The following EFNB2 variants were observed in gnomAD, a reference collection of about 807,000 sequenced individuals.
The protein encoded by EFNB2 is ephrin-B2.
In EFNB2, 5 loss-of-function variants were observed where a neutral mutation model predicts 32.1. The ratio of observed to expected loss-of-function variants is 0.16; its 90% CI spans 0.08 to 0.33. The LOEUF is 0.33. Ranked by LOEUF, EFNB2 falls within the 10% of genes least tolerant of loss-of-function variation. The probability of loss-of-function intolerance (pLI) is 1.00; values close to 1 mark genes in which losing one functional copy is unlikely to be tolerated. For synonymous variants in EFNB2, 168 were observed against 166.5 expected, an observed-to-expected ratio of 1.01 and a Z score of -0.07; for missense variants, 263 against 422.6, an observed-to-expected ratio of 0.62 and a Z score of 3.31.
chr13:106,521,927 T>C lies in EFNB2; in HGVS notation c.123-9115A>G, dbSNP rs937540012. On this transcript the variant is annotated intron_variant, in intron 1 of 4. Coordinates refer to ENST00000646441, the MANE Select transcript of EFNB2 (RefSeq NM_004093.4). ...TCATCTAGAAATCTAACTTTAAGTGTGTGATCCCCAAATATCATTGTTGTC... is the reference window on the plus strand; with the variant it reads ...TCATCTAGAAATCTAACTTTAAGTGCGTGATCCCCAAATATCATTGTTGTC... Among the ~76,000 whole-genome samples, 4 of 152,090 alleles carry C rather than the reference T, an allele frequency of 2.6e-5. 1 individual carries two copies. Among genetic ancestry groups the C allele is most frequent in the Admixed American group, 2.6e-4 (4 of 15,276 alleles).
At chr13:106,512,428 C>G in intron 2 of EFNB2, 101 bp downstream of exon 2, 1 of 477,948 alleles carries the variant, frequency 2.1e-6, no homozygotes, top group East Asian at 7.2e-5. Context: ...AGATTTTCAT[C>G]AAATTATTTG....
At chr13:106,526,926 C>A (rs1879719213) in intron 1 of EFNB2, among the ~76,000 whole-genome samples, 1 of 152,166 alleles carries the variant, frequency 6.6e-6, no homozygotes, top group Admixed American at 6.5e-5. Flanking sequence ...GGTTAGGTGC[C>A]CCGCAGGGAA....
At chr13:106,514,475 ATTTC>A (rs1485520697) in intron 1 of EFNB2, among the ~76,000 whole-genome samples, 1 of 152,176 alleles carries the variant, frequency 6.6e-6, no homozygotes, top group Non-Finnish European at 1.5e-5. Flanking sequence ...GATGAGGCTA[ATTTC>A]TTTATCTCCC....
chr13:106,533,455 G>GA (rs1180262831), intron 1 of EFNB2, among the ~76,000 whole-genome samples: 1 of 152,246 alleles, frequency 6.6e-6, no homozygotes, highest in Non-Finnish European at 1.5e-5. Context: ...AGACTACATG[G>GA]AAGGAGGCAG....
intron 1 of EFNB2, among the ~76,000 whole-genome samples, chr13:106,515,296 C>A (rs1470996028): frequency 1.3e-5 from 2 of 152,134 alleles, no homozygotes; most frequent in Non-Finnish European, 2.9e-5. Context: ...ACACGCCAGG[C>A]CTTCCTTGAT....
intron 1 of EFNB2, among the ~76,000 whole-genome samples, chr13:106,515,161 G>A (rs781016686): frequency 1.3e-5 from 2 of 152,162 alleles, no homozygotes; most frequent in African/African-American, 2.4e-5. Flanking sequence ...GTGCTGATGC[G>A]GTGAGGTCGA....
chr13:106,521,033 T>C (rs1300457389), intron 1 of EFNB2: 1 of 152,202 alleles, frequency 6.6e-6, no homozygotes, highest in Non-Finnish European at 1.5e-5. Flanking sequence ...CATTTTCTGC[T>C]TTAATTTGGA....
In EFNB2 at chr13:106,512,685, C is replaced by T. The variant is rs1369257861; in HGVS notation, c.250G>A (p.Asp84Asn). ...TTAATAGTGCATCTGTCTGCTTGGT[C>T]TTTATCAACCATATAAACTTTATAA... ...EYYKVYMVDK[D>N]QADRCTIKKE... Residue 84 changes from aspartate (D) to asparagine (N), a missense_variant, in exon 2 of 5, where the codon GAC (aspartate) becomes AAC (asparagine). Asp to Asn is a conservative substitution (Grantham distance 23). Around this residue, in one of 3 missense-constraint regions of EFNB2, gnomAD observed 45 missense variants for 128.6 expected, o/e 0.35. Coordinates refer to ENST00000646441, the MANE Select transcript of EFNB2 (RefSeq NM_004093.4). 3.7e-6 allele frequency: 6 copies of T among 1,613,794 alleles called. No individual in the cohort carries two copies. The South Asian group carries it at 6.6e-5, about 18-fold the overall frequency.
In EFNB2 at chr13:106,493,384, T is replaced by A; in HGVS notation, c.658A>T (p.Ile220Phe). Reference protein sequence around the residue: ...GNSAGHSGNNILGSEVALFAG... With the variant: ...GNSAGHSGNNFLGSEVALFAG... ...AATAAGGCCACTTCGGAACCGAGGA[T>A]GTTGTTCCCCGAATGTCCGGCGCTG... is the stretch of plus-strand genomic sequence containing the variant. The change falls in exon 5 of 5, where the codon ATC becomes TTC. Residue 220 changes from isoleucine (I) to phenylalanine (F), a missense_variant. This residue lies in a region of EFNB2 where 172 missense variants were observed against 237.1 expected (regional missense o/e 0.73). Coordinates refer to ENST00000646441, the MANE Select transcript of EFNB2 (RefSeq NM_004093.4). This position sits in a 1 kb window ranked among gnomAD's most constrained non-coding sequence, Gnocchi z 6.1. 1 of 1,614,030 alleles carries A rather than the reference T, an allele frequency of 6.2e-7. No individual in the cohort carries two copies. The highest frequency in any genetic ancestry group is 8.5e-7 in the Non-Finnish European group (1 of 1,179,966).
At chr13:106,530,259 A>AT (rs1400684919) in intron 1 of EFNB2, among the ~76,000 whole-genome samples, 1 of 152,074 alleles carries the variant, frequency 6.6e-6, no homozygotes, top group Non-Finnish European at 1.5e-5. Flanking sequence ...CCTCCTTCTA[A>AT]TTCCCCCCTT....
At chr13:106,504,013 A>T (rs1355907441) in intron 2 of EFNB2, among the ~76,000 whole-genome samples, 1 of 152,240 alleles carries the variant, frequency 6.6e-6, no homozygotes, top group Admixed American at 6.5e-5. Context: ...GATAATATCT[A>T]ATGAAAATAT....
intron 2 of EFNB2, among the ~76,000 whole-genome samples, chr13:106,503,561 T>G (rs372028818): frequency 1.2e-4 from 18 of 152,238 alleles, no homozygotes; most frequent in African/African-American, 4.1e-4. Flanking sequence ...AAGTTCTGGA[T>G]TAAATGAAGG....
intron 2 of EFNB2, among the ~76,000 whole-genome samples, chr13:106,497,798 T>A (rs1878640930): frequency 6.6e-6 from 1 of 152,148 alleles, no homozygotes; most frequent in African/African-American, 2.4e-5. Flanking sequence ...AAGTATCCTT[T>A]CCTCCCAGAG....
At chr13:106,505,801 C>A (rs948887813) in intron 2 of EFNB2, among the ~76,000 whole-genome samples, 1 of 152,108 alleles carries the variant, frequency 6.6e-6, no homozygotes, top group Non-Finnish European at 1.5e-5. Context: ...GCTAAAGATA[C>A]CAAGATACAT....
chr13:106,535,264 G>C lies in EFNB2; in HGVS notation c.-300C>G, dbSNP rs569189660. ...GACTCCCGTGCGGCTCCAGGGTGCCGGGCCGGCCGCGGCTGGCGGGTGGGC... is the reference window on the plus strand; with the variant it reads ...GACTCCCGTGCGGCTCCAGGGTGCCCGGCCGGCCGCGGCTGGCGGGTGGGC... On this transcript the variant is annotated 5_prime_UTR_variant, in exon 1 of 5. Coordinates refer to ENST00000646441, the MANE Select transcript of EFNB2 (RefSeq NM_004093.4). The C allele has an allele frequency of 8.7e-5, 13 of 149,382 alleles. No individual in the cohort carries two copies. The highest frequency in any genetic ancestry group is 3.2e-4 in the African/African-American group (13 of 40,962). 9.3% of individuals were successfully genotyped at this position (149,382 alleles called of 1,614,324 possible).
At chr13:106,521,555 ATCC>A (rs1188752739) in intron 1 of EFNB2, 1 of 152,172 alleles carries the variant, frequency 6.6e-6, no homozygotes, top group Non-Finnish European at 1.5e-5. Flanking sequence ...TTTAAACACA[ATCC>A]ATTTTCCTCT....
At chr13:106,513,392 GTC>G (rs1326819734) in intron 1 of EFNB2, among the ~76,000 whole-genome samples, 3 of 152,198 alleles carry the variant, frequency 2.0e-5, no homozygotes, top group Non-Finnish European at 2.9e-5. Flanking sequence ...CAAAAGCAAT[GTC>G]TTACAAATGC....
At chr13:106,512,483 A>G (rs1234733985) in intron 2 of EFNB2, 46 bp downstream of exon 2, 1 of 1,306,332 alleles carries the variant, frequency 7.7e-7, no homozygotes, top group Admixed American at 2.5e-5. Flanking sequence ...AAACCTATAT[A>G]GCTTATCTTA....
chr13:106,514,038 T>G (rs1419201434), intron 1 of EFNB2, among the ~76,000 whole-genome samples: 1 of 152,140 alleles, frequency 6.6e-6, no homozygotes, highest in African/African-American at 2.4e-5. Flanking sequence ...GCACAAAACA[T>G]AACAGAAATC....
Sources: allele counts gnomAD v4.1 joint callset (sites outside exome capture counted in the v4.1 genomes callset), GRCh38; gene constraint gnomAD v4.1.1; regional missense constraint gnomAD v4.1.1; non-coding constraint Gnocchi (gnomAD v3.1); transcripts MANE v1.5; gene names NCBI Gene and HGNC (gene_info 2026-07-23, HGNC 2026-07-21).